The following DOCK8 variants were observed in gnomAD, a reference collection of about 807,000 sequenced individuals.
DOCK8 encodes the protein dedicator of cytokinesis 8.
Under a neutral mutation model 245.6 loss-of-function variants are expected in DOCK8, and 141 were observed. The ratio of observed to expected loss-of-function variants is 0.57; its 90% CI spans 0.50 to 0.66. The LOEUF (loss-of-function observed/expected upper bound fraction) is 0.66. DOCK8 is among the 30% of genes least tolerant of loss of function. The pLI is 0.00. For missense variants in DOCK8, 2,965 were observed against 2,603.4 expected, an observed-to-expected ratio of 1.14 and a Z score of -3.02; for synonymous variants, 1,168 against 970.2, an observed-to-expected ratio of 1.20 and a Z score of -3.79.
In DOCK8 at chr9:362,866, T is replaced by C. The variant is rs873547; in HGVS notation, c.1680-5152T>C. On this transcript the variant is annotated intron_variant, in intron 14 of 47. Coordinates refer to ENST00000432829, the MANE Select transcript of DOCK8 (RefSeq NM_203447.4). ...GAGAAGCCAAAGTGATGTTTTTGTA[T>C]TGTGGCTTTGAATGATTTCAAGGTC... 1.1e-4 allele frequency among the ~76,000 whole-genome samples: 16 copies of C among 152,358 alleles called. No individual in the cohort carries two copies. The East Asian group carries it at 2.3e-3, about 22-fold the overall frequency.
intron 22 of DOCK8, 113 bp downstream of exon 22, chr9:382,798 T>C: frequency 1.5e-6 from 2 of 1,366,520 alleles, no homozygotes; most frequent in East Asian, 5.0e-5. Flanking sequence ...GCTGGTCGGA[T>C]GCTTTAATGC....
chr9:288,475 T>A (rs2048913055), intron 3 of DOCK8, among the ~76,000 whole-genome samples: 1 of 152,244 alleles, frequency 6.6e-6, no homozygotes, highest in African/African-American at 2.4e-5. Flanking sequence ...TGGTGCTGAT[T>A]GAGAATTAAC....
intron 1 of DOCK8, among the ~76,000 whole-genome samples, chr9:229,222 C>G (rs539686469): frequency 1.3e-5 from 2 of 152,140 alleles, no homozygotes; most frequent in South Asian, 4.2e-4. Flanking sequence ...TTAATACTAT[C>G]CCGTTTCAGA....
chr9:276,950 A>T (rs1364552618), intron 2 of DOCK8: 2 of 325,556 alleles, frequency 6.1e-6, no homozygotes, highest in African/African-American at 2.2e-5. Flanking sequence ...CTGGGACCAC[A>T]GGCGCACCAT....
intron 21 of DOCK8, 101 bp downstream of exon 21, chr9:380,036 G>A: frequency 7.4e-7 from 1 of 1,347,182 alleles, no homozygotes; most frequent in Non-Finnish European, 1.0e-6. Flanking sequence ...TGGGTGCAGG[G>A]GCTCACATCT....
In DOCK8 at chr9:328,021, G is replaced by C; in HGVS notation, c.895-1G>C. 6.2e-7 allele frequency: 1 copy of C among 1,613,862 alleles called. No individual in the cohort carries two copies. Among genetic ancestry groups the C allele is most frequent in the Non-Finnish European group, 8.5e-7 (1 of 1,179,768 alleles). On this transcript the variant is annotated splice_acceptor_variant, in intron 8 of 47. Transcript: ENST00000432829. LOFTEE classifies it high-confidence loss of function. ...TATTTCACTTTGCTGCTCATTTACA[G>C]ATCTCAGAAAATTTTCACTGTGACC...
intron 23 of DOCK8, among the ~76,000 whole-genome samples, chr9:387,225 C>G (rs1282372698): frequency 6.6e-6 from 1 of 152,102 alleles, no homozygotes; most frequent in Non-Finnish European, 1.5e-5. Context: ...GGGTGGATCA[C>G]CTGAGGTCAG....
At chr9:273,078 G>T (rs559313825) in intron 2 of DOCK8, 1 of 985,348 alleles carries the variant, frequency 1.0e-6, no homozygotes, top group Non-Finnish European at 1.2e-6. Context: ...TTTACGCGCC[G>T]TGTAACTGTG....
At chr9:444,335 A>AAATAATAATAATAATAATAAT (rs139606153) in intron 43 of DOCK8, among the ~76,000 whole-genome samples, 63 of 143,616 alleles carry the variant, frequency 4.4e-4, no homozygotes, top group East Asian at 2.0e-3. Context: ...AAAACAAAGC[A>AAATAATAATAATAATAATAAT]AATAATAATA....
intron 14 of DOCK8, among the ~76,000 whole-genome samples, chr9:353,348 A>AACCTTC (rs2052267992): frequency 6.6e-6 from 1 of 152,076 alleles, no homozygotes; most frequent in Non-Finnish European, 1.5e-5. Flanking sequence ...TTCTTCCCCA[A>AACCTTC]CCCAAACCAA....
At chr9:343,064 T>C (rs144279904) in intron 14 of DOCK8, among the ~76,000 whole-genome samples, 17 of 152,336 alleles carry the variant, frequency 1.1e-4, no homozygotes, top group Admixed American at 3.9e-4. Flanking sequence ...TCCTCACCCA[T>C]ACTTTCCAGT....
At position 299,295 on chromosome 9, in the gene DOCK8, T is replaced by A. The variant is rs556229379; in HGVS notation, c.405-5286T>A. Among the ~76,000 whole-genome samples, 3 of 152,304 alleles carry A rather than the reference T, an allele frequency of 2.0e-5. No homozygotes were observed. The South Asian group carries it at 6.2e-4, about 32-fold the overall frequency. On this transcript the variant is annotated intron_variant, in intron 4 of 47. Coordinates refer to ENST00000432829, the MANE Select transcript of DOCK8 (RefSeq NM_203447.4). ...CATTTATATTTGTGAGAGTGACTGT[T>A]AAGAAACTAGCAGGTTTATAAAATC...
intron 2 of DOCK8, chr9:280,884 C>T (rs1425301110): frequency 6.6e-6 from 1 of 152,254 alleles, no homozygotes; most frequent in Non-Finnish European, 1.5e-5. Flanking sequence ...CACGTTGACA[C>T]ATCATGAAGC....
At chr9:327,983 C>G (rs200634862) in intron 8 of DOCK8, 39 bp from the exon 9 acceptor site, 1 of 1,596,148 alleles carries the variant, frequency 6.3e-7, no homozygotes, top group South Asian at 1.1e-5. Context: ...ATGAATGCAA[C>G]AGGTCTAACT....
chr9:395,401 G>T (rs1307310446), intron 24 of DOCK8, among the ~76,000 whole-genome samples: 1 of 152,110 alleles, frequency 6.6e-6, no homozygotes, highest in Non-Finnish European at 1.5e-5. Flanking sequence ...AGTGCTGCAT[G>T]CATCCTTAGA....
At chr9:362,478 C>T (rs2052776393) in intron 14 of DOCK8, among the ~76,000 whole-genome samples, 1 of 152,348 alleles carries the variant, frequency 6.6e-6, no homozygotes, top group South Asian at 2.1e-4. Flanking sequence ...GCTCCAGCAA[C>T]TTCAGCTCCT....
At chr9:281,247 C>T (rs1220874579) in intron 2 of DOCK8, among the ~76,000 whole-genome samples, 1 of 142,470 alleles carries the variant, frequency 7.0e-6, no homozygotes, top group Non-Finnish European at 1.5e-5. Flanking sequence ...GACTCTGTCT[C>T]AAAAAAAAAA....
intron 4 of DOCK8, among the ~76,000 whole-genome samples, chr9:297,475 C>T (rs773066190): frequency 1.3e-5 from 2 of 152,270 alleles, no homozygotes; most frequent in Middle Eastern, 3.4e-3. Flanking sequence ...AGCAATAGGT[C>T]GAGTTCATTT....
intron 1 of DOCK8, among the ~76,000 whole-genome samples, chr9:234,171 G>T (rs1291327937): frequency 6.6e-6 from 1 of 152,116 alleles, no homozygotes; most frequent in Non-Finnish European, 1.5e-5. Context: ...AGTTTGGCTG[G>T]ATATGAAATT....
Sources: allele counts gnomAD v4.1 joint callset (sites outside exome capture counted in the v4.1 genomes callset), GRCh38; gene constraint gnomAD v4.1.1; transcripts MANE v1.5; gene names NCBI Gene and HGNC (gene_info 2026-07-23, HGNC 2026-07-21).